Variants in ZNF490 observed in about 807,000 individuals in gnomAD.
ZNF490 encodes zinc finger protein 490.
In ZNF490, 11 loss-of-function variants were observed where a neutral mutation model predicts 17.7. The ratio of observed to expected loss-of-function variants is 0.62; its 90% CI spans 0.39 to 1.03. The LOEUF is 1.03. Ranked by LOEUF, ZNF490 falls within the 50% of genes least tolerant of loss-of-function variation. The probability of loss-of-function intolerance (pLI) is 0.00; values close to 1 mark genes in which losing one functional copy is unlikely to be tolerated. For synonymous variants in ZNF490, 222 were observed against 216.1 expected (o/e 1.03, Z -0.24); for missense variants, 542 against 643.4 (o/e 0.84, Z 1.71).
intron 2 of ZNF490, among the ~76,000 whole-genome samples, chr19:12,592,395 AT>A (rs2022883926): frequency 6.6e-6 from 1 of 151,892 alleles, no homozygotes; most frequent in African/African-American, 2.4e-5. Flanking sequence ...CCCCATCTCA[AT>A]TTAAAAAAAA....
chr19:12,607,193 ATTTTTT>A (rs760914971), intron 2 of ZNF490, among the ~76,000 whole-genome samples: 1 of 143,926 alleles, frequency 6.9e-6, no homozygotes, highest in African/African-American at 2.5e-5. Flanking sequence ...AAAAATTTAA[ATTTTTT>A]TTTTTTTTTG....
intron 2 of ZNF490, among the ~76,000 whole-genome samples, chr19:12,583,785 C>CTATATA (rs1568278594): frequency 1.1e-5 from 1 of 88,098 alleles, no homozygotes; most frequent in Non-Finnish European, 2.1e-5. Context: ...CTCTCTCTCT[C>CTATATA]TCTCTCTATA....
chr19:12,609,687 G>A (rs1193636060), intron 1 of ZNF490, among the ~76,000 whole-genome samples: 2 of 152,138 alleles, frequency 1.3e-5, no homozygotes, highest in Non-Finnish European at 2.9e-5. Flanking sequence ...ACAGCAACAC[G>A]GATGGAACTG....
intron 3 of ZNF490, 67 bp downstream of exon 3, chr19:12,583,363 A>T: frequency 6.7e-7 from 1 of 1,491,814 alleles, no homozygotes; most frequent in East Asian, 2.5e-5. Flanking sequence ...AAACCTTGGA[A>T]CTCAGTTGTT....
At chr19:12,591,592 G>A (rs554653354) in intron 2 of ZNF490, among the ~76,000 whole-genome samples, 28 of 152,194 alleles carry the variant, frequency 1.8e-4, no homozygotes, top group African/African-American at 6.0e-4. Flanking sequence ...CACATCACCA[G>A]AGAAGATTTA....
At chr19:12,609,354 C>T in intron 1 of ZNF490, 152 bp from the exon 2 acceptor site, 1 of 649,008 alleles carries the variant, frequency 1.5e-6, no homozygotes, top group African/African-American at 1.8e-5. Context: ...CAAGATTACA[C>T]TGTCTCCTCT....
intron 2 of ZNF490, among the ~76,000 whole-genome samples, chr19:12,604,100 T>C (rs2023038844): frequency 6.6e-6 from 1 of 152,196 alleles, no homozygotes; most frequent in Non-Finnish European, 1.5e-5. Flanking sequence ...CATGTCACCA[T>C]AATAAAGCCA....
At chr19:12,605,760 G>A (rs1018720471) in intron 2 of ZNF490, among the ~76,000 whole-genome samples, 7 of 152,192 alleles carry the variant, frequency 4.6e-5, no homozygotes, top group African/African-American at 1.7e-4. Flanking sequence ...ACACCCAGCT[G>A]GTGTCTGCTT....
At chr19:12,605,986 T>C (rs942917727) in intron 2 of ZNF490, among the ~76,000 whole-genome samples, 1 of 151,916 alleles carries the variant, frequency 6.6e-6, no homozygotes, top group Non-Finnish European at 1.5e-5. Flanking sequence ...GTTCAAGCAA[T>C]TATCCTGCCT....
chr19:12,595,340 G>C (rs2022918786), intron 2 of ZNF490, among the ~76,000 whole-genome samples: 1 of 151,920 alleles, frequency 6.6e-6, no homozygotes, highest in African/African-American at 2.4e-5. Context: ...TCTCCATGTT[G>C]GTCAGCTCCC....
intron 2 of ZNF490, among the ~76,000 whole-genome samples, chr19:12,583,787 C>CTATATA (rs1267376371): frequency 1.1e-5 from 1 of 89,850 alleles, no homozygotes; most frequent in Non-Finnish European, 2.0e-5. Flanking sequence ...CTCTCTCTCT[C>CTATATA]TCTCTATATA....
At chr19:12,608,951 T>A (rs2023106132) in intron 2 of ZNF490, among the ~76,000 whole-genome samples, 1 of 152,022 alleles carries the variant, frequency 6.6e-6, no homozygotes, top group Non-Finnish European at 1.5e-5. Context: ...TGTGTTGGGA[T>A]GGCCAATGAA....
At chr19:12,609,102 A>G (rs2023109380) in intron 2 of ZNF490, 56 bp downstream of exon 2, 2 of 1,578,884 alleles carry the variant, frequency 1.3e-6, no homozygotes, top group Non-Finnish European at 1.7e-6. Context: ...GACAGACCCA[A>G]ATGGTCATTA....
intron 2 of ZNF490, among the ~76,000 whole-genome samples, chr19:12,608,430 G>C (rs990377002): frequency 6.7e-6 from 1 of 150,044 alleles, no homozygotes; most frequent in African/African-American, 2.4e-5. Context: ...ACCATGCCCA[G>C]CTAATTTTTT....
chr19:12,583,375 T>C, intron 3 of ZNF490, 55 bp downstream of exon 3: 2 of 1,515,752 alleles, frequency 1.3e-6, no homozygotes, highest in Non-Finnish European at 1.8e-6. Context: ...TCAGTTGTTG[T>C]GCAAGAAACA....
intron 2 of ZNF490, among the ~76,000 whole-genome samples, chr19:12,606,129 C>T (rs1362189082): frequency 6.6e-6 from 1 of 151,998 alleles, no homozygotes; most frequent in Non-Finnish European, 1.5e-5. Context: ...ATCCACCCAC[C>T]TCGGCCTCCC....
intron 2 of ZNF490, among the ~76,000 whole-genome samples, chr19:12,604,209 G>A (rs931455788): frequency 1.3e-5 from 2 of 152,138 alleles, no homozygotes; most frequent in Admixed American, 6.5e-5. Context: ...CTGTTCATTC[G>A]TATCATTTAA....
At position 12,579,280 on chromosome 19, in the gene ZNF490, G is replaced by C. The variant is rs1287211142; in HGVS notation, c.*1205C>G. 3 of 151,872 alleles carry C rather than the reference G, an allele frequency of 2.0e-5. No homozygotes were observed. Among genetic ancestry groups the C allele is most frequent in the African/African-American group, 7.3e-5 (3 of 41,244 alleles). 9.4% of individuals were successfully genotyped at this position (151,872 alleles called of 1,614,324 possible). On this transcript the variant is annotated 3_prime_UTR_variant, in exon 5 of 5. Transcript: ENST00000311437. ...AAAAAAGAACTGGGGGCCGGGTGTG[G>C]TGGCTCACGCCTGTAATCCCAGCAC...
chr19:12,610,170 G>C (rs2023128547), intron 1 of ZNF490, among the ~76,000 whole-genome samples: 1 of 151,330 alleles, frequency 6.6e-6, no homozygotes, highest in Non-Finnish European at 1.5e-5. Flanking sequence ...CGAGCCAAGT[G>C]CTCGGGTGTC....
Sources: gnomAD v4.1 joint callset for allele counts (sites outside exome capture counted in the v4.1 genomes callset) on GRCh38, gnomAD v4.1.1 for gene constraint, MANE v1.5 for transcripts, NCBI Gene and HGNC (gene_info 2026-07-23, HGNC 2026-07-21) for gene names.